The following CHAF1A variants were observed in gnomAD, a reference collection of about 807,000 sequenced individuals.
The protein encoded by CHAF1A is chromatin assembly factor 1 subunit A.
Under a neutral mutation model 93.2 loss-of-function variants are expected in CHAF1A, and 5 were observed. The observed-to-expected ratio is 0.05, with a 90% CI of 0.03 to 0.11. CHAF1A has a LOEUF of 0.11. Ranked by LOEUF, CHAF1A falls within the 10% of genes least tolerant of loss-of-function variation. The pLI, the probability that CHAF1A is intolerant of heterozygous loss-of-function variation, is 1.00. For missense variants in CHAF1A, 1,102 were observed against 1,259.9 expected (o/e 0.87, Z 1.90); for synonymous variants, 504 against 510.3 (o/e 0.99, Z 0.17).
At position 4,418,772 on chromosome 19, in the gene CHAF1A, C is replaced by A. The variant is rs547252993; in HGVS notation, c.1017+696C>A. Among the ~76,000 whole-genome samples, 3 of 152,202 alleles carry A rather than the reference C, an allele frequency of 2.0e-5. No homozygotes were observed. The South Asian group carries it at 6.2e-4, about 32-fold the overall frequency. ...ATAACATCTGAATAGCCTCTACACT[C>A]GATGGGTGGTTATCCTTTAGTGACT... On this transcript the variant is annotated intron_variant, in intron 4 of 14. Coordinates refer to ENST00000301280, the MANE Select transcript of CHAF1A (RefSeq NM_005483.3).
rs189717477 is a variant in CHAF1A at position 4,442,229 on chromosome 19, T to C, written c.2674-16T>C. On this transcript the variant is annotated splice_polypyrimidine_tract_variant and intron_variant, in intron 13 of 14. Coordinates refer to ENST00000301280, the MANE Select transcript of CHAF1A (RefSeq NM_005483.3). ...GCTGCCTGCAGTGCTGATGGCCGTG[T>C]ACCCTGTCTGTCCAGATTGGTGCTG... 4.0e-5 allele frequency: 65 copies of C among 1,612,548 alleles called. No individual in the cohort carries two copies. The highest frequency in any genetic ancestry group is 5.5e-5 in the Non-Finnish European group (65 of 1,178,634).
At chr19:4,424,413 G>A (rs1284976469) in intron 7 of CHAF1A, among the ~76,000 whole-genome samples, 1 of 152,144 alleles carries the variant, frequency 6.6e-6, no homozygotes, top group Admixed American at 6.5e-5. Context: ...AGCTATCTCA[G>A]ATTTGTGCCA....
rs201550309 is a variant in CHAF1A, at chr19:4,433,311, G to A, written c.2445G>A (p.Arg815=). The A allele has an allele frequency of 3.0e-5, 49 of 1,614,170 alleles. No individual in the cohort carries two copies. In the African/African-American group the frequency reaches 5.2e-4, roughly 17 times the overall value. The change falls in exon 13 of 15, where the codon AGG becomes AGA. Residue 815 remains arginine, a synonymous_variant. Transcript: ENST00000301280. The surrounding 1 kb of genome is among the most constrained non-coding windows in gnomAD (Gnocchi z 5.6). ...NSVYEKRPDF[R]MCWYVHPQVL... ...TGTATGAGAAGCGGCCTGACTTCAG[G>A]ATGTGCTGGTACGTGCACCCGCAGG...
chr19:4,442,968 TGTG>T lies in CHAF1A; in HGVS notation c.2816_2818del (p.Val939del), dbSNP rs773473494. 15 of 1,604,790 alleles carry T rather than the reference TGTG, an allele frequency of 9.3e-6. No individual in the cohort carries two copies. Among genetic ancestry groups the T allele is most frequent in the Non-Finnish European group, 1.3e-5 (15 of 1,176,534 alleles). On this transcript the variant is annotated inframe_deletion, in exon 15 of 15. Transcript: ENST00000301280. ...GAGCCGCTTCCGGAGCTGGGGGTGG[TGTG>T]GGGGTGGACACCGGCAAGGCCACCC...
In CHAF1A at chr19:4,430,630, G is replaced by A; in HGVS notation, c.1936G>A (p.Gly646Ser). 1 of 1,613,804 alleles carries A rather than the reference G, an allele frequency of 6.2e-7. No individual in the cohort carries two copies. Among genetic ancestry groups the A allele is most frequent in the Non-Finnish European group, 8.5e-7 (1 of 1,179,936 alleles). Reference protein sequence around the residue: ...VPHGYLSEDEGVTEECADPEN... With the variant: ...VPHGYLSEDESVTEECADPEN... ...CCATGGGTACCTGTCTGAGGACGAA[G>A]GTGTGACAGAGGTGAGGGAGTGAAG... Residue 646 changes from glycine to serine, a missense_variant, in exon 11 of 15, where the codon GGT becomes AGT. Around this residue, in one of 6 missense-constraint regions of CHAF1A, gnomAD observed 335 missense variants for 361.9 expected, o/e 0.93. Coordinates refer to ENST00000301280, the MANE Select transcript of CHAF1A (RefSeq NM_005483.3).
At chr19:4,439,242 C>G (rs1974342550) in intron 13 of CHAF1A, among the ~76,000 whole-genome samples, 1 of 151,546 alleles carries the variant, frequency 6.6e-6, no homozygotes, top group African/African-American at 2.4e-5. Context: ...GATTGTGCCA[C>G]TGCACTCCAG....
chr19:4,447,372 A>T, downstream of CHAF1A: 1 of 640,144 alleles, frequency 1.6e-6, no homozygotes, highest in South Asian at 1.8e-5. Context: ...GGTGCATAAA[A>T]GTCTTGCTCT....
At chr19:4,430,032 C>G in intron 10 of CHAF1A, 1 of 485,484 alleles carries the variant, frequency 2.1e-6, no homozygotes, top group Non-Finnish European at 3.7e-6. Flanking sequence ...GCATCTGCAC[C>G]GTGGCCCCAC....
chr19:4,433,676 C>T lies in CHAF1A; in HGVS notation c.2673+137C>T, dbSNP rs887984744. 7.4e-6 allele frequency: 5 copies of T among 671,290 alleles called. No homozygotes were observed. The East Asian group carries it at 8.3e-5, about 11-fold the overall frequency. 41.6% of individuals were successfully genotyped at this position (671,290 alleles called of 1,614,324 possible). A position where few individuals can be genotyped will look rare whatever the true frequency, so the allele number is the denominator to read the frequency against. ...AGTGCAGTGGCGCAATCTCAGCTCACTGCAACCTCCTCCCTCCTGGGTTCA... is the reference window on the plus strand; with the variant it reads ...AGTGCAGTGGCGCAATCTCAGCTCATTGCAACCTCCTCCCTCCTGGGTTCA... On this transcript the variant is annotated intron_variant, in intron 13 of 14. Transcript: ENST00000301280. The surrounding 1 kb of genome is among the most constrained non-coding windows in gnomAD (Gnocchi z 5.6).
chr19:4,443,040 T>G lies in CHAF1A; in HGVS notation c.*15T>G. ...GTGCATCCTGAGAGCAGGGGTGACG[T>G]ATGTAGAATGCTTAGGGTGTCCTCC... On this transcript the variant is annotated 3_prime_UTR_variant, in exon 15 of 15. Transcript: ENST00000301280. The G allele has an allele frequency of 6.7e-7, 1 of 1,500,650 alleles. No homozygotes were observed. The highest frequency in any genetic ancestry group is 9.1e-7 in the Non-Finnish European group (1 of 1,093,194). The allele number at this position is 1,500,650 out of a possible 1,614,324, so 93.0% of individuals were successfully genotyped here. A position where few individuals can be genotyped will look rare whatever the true frequency, so the allele number is the denominator to read the frequency against.
chr19:4,439,123 T>C lies in CHAF1A; in HGVS notation c.2674-3122T>C, dbSNP rs562933639. On this transcript the variant is annotated intron_variant, in intron 13 of 14. Transcript: ENST00000301280. ...CATGGTGAAACCCCATCTCTAAAAA[T>C]GCAAAAATTAGCTGAGCATGGTGGT... Among the ~76,000 whole-genome samples, 186 of 150,892 alleles carry C rather than the reference T, an allele frequency of 1.2e-3. 1 individual carries two copies. Among genetic ancestry groups the C allele is most frequent in the African/African-American group, 4.5e-3 (185 of 41,114 alleles).
chr19:4,440,221 C>G (rs1402223906), intron 13 of CHAF1A, among the ~76,000 whole-genome samples: 1 of 152,128 alleles, frequency 6.6e-6, no homozygotes, highest in African/African-American at 2.4e-5. Flanking sequence ...TGTGTTCATG[C>G]ACAGAGAGGG....
In CHAF1A at chr19:4,433,178, G is replaced by A. The variant is rs776014887; in HGVS notation, c.2312G>A (p.Gly771Asp). 6.2e-7 allele frequency: 1 copy of A among 1,613,592 alleles called. No individual in the cohort carries two copies. Among genetic ancestry groups the A allele is most frequent in the South Asian group, 1.1e-5 (1 of 91,074 alleles). Residue 771 changes from glycine to aspartate, a missense_variant, in exon 13 of 15, where the codon GGC (glycine) becomes GAC (aspartate). Physicochemically the swap from Gly to Asp is moderately conservative, Grantham distance 94 (BLOSUM62 -1). This residue lies in a region of CHAF1A where 335 missense variants were observed against 361.9 expected (regional missense o/e 0.93). Transcript: ENST00000301280. This position sits in a 1 kb window ranked among gnomAD's most constrained non-coding sequence, Gnocchi z 5.6. ...CGGGGACTGCTCAGCAACCACACCG[G>A]CAGCCCGCGGAGCCCCTCCACCACC... ...CRRGLLSNHTGSPRSPSTTYL... is the reference protein window; with the variant it reads ...CRRGLLSNHTDSPRSPSTTYL...
chr19:4,422,993 C>A lies in CHAF1A; in HGVS notation c.1247+198C>A, dbSNP rs1226877809. On this transcript the variant is annotated intron_variant, in intron 5 of 14. Transcript: ENST00000301280. The surrounding 1 kb of genome is among the most constrained non-coding windows in gnomAD (Gnocchi z 4.6). ...AGCTCCCTGCTCTTTAGTGCTCCCC[C>A]ACGTCCAACTCACCCTGGACCCCTT... Among the ~76,000 whole-genome samples the A allele has an allele frequency of 6.6e-6, 1 of 152,228 alleles. No individual in the cohort carries two copies. Among genetic ancestry groups the A allele is most frequent in the South Asian group, 2.1e-4 (1 of 4,834 alleles).
At chr19:4,448,488 AG>A, downstream of CHAF1A, 1 of 1,247,304 alleles carries the variant, frequency 8.0e-7, no homozygotes. Flanking sequence ...CCCAGGTAAC[AG>A]GGGCAGGAAA....
chr19:4,408,805 C>A (rs878993865), intron 2 of CHAF1A, 98 bp from the exon 3 acceptor site: 11 of 1,436,090 alleles, frequency 7.7e-6, no homozygotes, highest in South Asian at 1.4e-5. Flanking sequence ...TTAAAATTAT[C>A]TCCCACCCCC....
Position 4,429,429 on chromosome 19 carries a change from C to G in CHAF1A, c.1605-9C>G. On this transcript the variant is annotated splice_polypyrimidine_tract_variant and intron_variant, in intron 8 of 14. Transcript: ENST00000301280. ...AGCGTGATCCTGAGCCTGGGGTTTT[C>G]CTTCTCAGTGATGTCGTCATCGTGG... is the stretch of plus-strand genomic sequence containing the variant. The G allele has an allele frequency of 6.2e-7, 1 of 1,612,684 alleles. No individual in the cohort carries two copies. The highest frequency in any genetic ancestry group is 8.5e-7 in the Non-Finnish European group (1 of 1,179,462).
At chr19:4,447,555 A>G (rs1360759734), downstream of CHAF1A, 2 of 1,613,386 alleles carry the variant, frequency 1.2e-6, no homozygotes, top group Admixed American at 3.3e-5. Context: ...CCCACCTGAA[A>G]CACCTTGTTC....
chr19:4,445,397 A>C, downstream of CHAF1A: 1 of 1,561,714 alleles, frequency 6.4e-7, no homozygotes, highest in Non-Finnish European at 8.7e-7. Flanking sequence ...GGGCAGAGCC[A>C]AGTATTTCCA....
Sources: allele counts gnomAD v4.1 joint callset (sites outside exome capture counted in the v4.1 genomes callset), GRCh38; gene constraint gnomAD v4.1.1; regional missense constraint gnomAD v4.1.1; non-coding constraint Gnocchi (gnomAD v3.1); transcripts MANE v1.5; gene names NCBI Gene and HGNC (gene_info 2026-07-23, HGNC 2026-07-21).